The following THSD7A variants were observed in gnomAD, a reference collection of about 807,000 sequenced individuals.
THSD7A encodes the protein thrombospondin type 1 domain containing 7A.
THSD7A carries 96 observed loss-of-function variants against 231.3 expected under a neutral mutation model. That is an observed-to-expected ratio of 0.41 (90% CI 0.35 to 0.49). The LOEUF is 0.49. Among genes scored for constraint, THSD7A ranks in the 20% least tolerant of loss-of-function variants. The pLI is 0.05. For synonymous variants in THSD7A, 940 were observed against 743.3 expected (o/e 1.26, Z -4.30); for missense variants, 2,290 against 2,070.2 (o/e 1.11, Z -2.06).
chr7:11,458,064 T>C (rs1785366960), intron 11 of THSD7A, among the ~76,000 whole-genome samples: 1 of 152,074 alleles, frequency 6.6e-6, no homozygotes, highest in South Asian at 2.1e-4. Context: ...GCAAAAACAG[T>C]GGAATGAGTA....
At chr7:11,587,840 A>T (rs551165105) in intron 4 of THSD7A, among the ~76,000 whole-genome samples, 1 of 152,200 alleles carries the variant, frequency 6.6e-6, no homozygotes. Flanking sequence ...CATAAATTTC[A>T]TATCACTTGC....
chr7:11,640,177 C>G (rs561248028), intron 1 of THSD7A, among the ~76,000 whole-genome samples: 1 of 152,290 alleles, frequency 6.6e-6, no homozygotes, highest in African/African-American at 2.4e-5. Context: ...TAGACTGACT[C>G]TATAGCCCCT....
At chr7:11,785,984 T>G (rs1783777371) in intron 1 of THSD7A, among the ~76,000 whole-genome samples, 1 of 152,146 alleles carries the variant, frequency 6.6e-6, no homozygotes, top group Non-Finnish European at 1.5e-5. Flanking sequence ...AATGATTTTC[T>G]TTAAACTGGT....
In THSD7A at chr7:11,630,303, A is replaced by G. The variant is rs372285279; in HGVS notation, c.1022+5827T>C. On this transcript the variant is annotated intron_variant, in intron 2 of 27. Coordinates refer to ENST00000423059, the MANE Select transcript of THSD7A (RefSeq NM_015204.3). ...TTTGAAGATGAGAGGGGATGCCAGA[A>G]AGTCTGGGCCTGGAAAACAAAAATC... Among the ~76,000 whole-genome samples the G allele has an allele frequency of 1.7e-3, 265 of 152,342 alleles. 2 individuals carry two copies. Among genetic ancestry groups the G allele is most frequent in the African/African-American group, 6.1e-3 (255 of 41,588 alleles).
intron 4 of THSD7A, among the ~76,000 whole-genome samples, chr7:11,565,809 C>A (rs73057862): frequency 1.6e-4 from 25 of 152,274 alleles, no homozygotes; most frequent in Admixed American, 3.9e-4. Context: ...ACAGCAATCA[C>A]CCCAATTCCT....
chr7:11,754,162 C>T (rs975989609), intron 1 of THSD7A, among the ~76,000 whole-genome samples: 10 of 151,748 alleles, frequency 6.6e-5, no homozygotes, highest in African/African-American at 9.7e-5. Context: ...TAATCTATTA[C>T]AAATATATTC....
intron 6 of THSD7A, among the ~76,000 whole-genome samples, chr7:11,511,968 A>G (rs1418920906): frequency 6.6e-6 from 1 of 152,220 alleles, no homozygotes; most frequent in Non-Finnish European, 1.5e-5. Flanking sequence ...TCTGCACAGC[A>G]AAAGCAATTA....
chr7:11,419,391 T>A (rs1356757004), intron 16 of THSD7A, among the ~76,000 whole-genome samples: 2 of 152,132 alleles, frequency 1.3e-5, no homozygotes, highest in African/African-American at 4.8e-5. Flanking sequence ...CCTTTGCTTT[T>A]TCTCTCTCTT....
intron 4 of THSD7A, among the ~76,000 whole-genome samples, chr7:11,550,006 G>T (rs958491247): frequency 2.6e-5 from 4 of 152,044 alleles, no homozygotes; most frequent in African/African-American, 9.7e-5. Flanking sequence ...GCAAGAGAAA[G>T]AAATAAAAGG....
chr7:11,660,358 T>G (rs1782883936), intron 1 of THSD7A, among the ~76,000 whole-genome samples: 1 of 151,500 alleles, frequency 6.6e-6, no homozygotes, highest in Non-Finnish European at 1.5e-5. Flanking sequence ...AAATTCAGGT[T>G]GATATAAATT....
At chr7:11,714,548 T>C (rs936092313) in intron 1 of THSD7A, among the ~76,000 whole-genome samples, 8 of 151,280 alleles carry the variant, frequency 5.3e-5, no homozygotes, top group African/African-American at 1.9e-4. Flanking sequence ...AGTGAATAAA[T>C]GATTCTGACT....
intron 6 of THSD7A, among the ~76,000 whole-genome samples, chr7:11,492,246 T>C (rs1430494858): frequency 6.6e-6 from 1 of 152,058 alleles, no homozygotes; most frequent in African/African-American, 2.4e-5. Flanking sequence ...AGGACTAGGC[T>C]AAAAACCAAC....
intron 13 of THSD7A, among the ~76,000 whole-genome samples, chr7:11,442,874 C>A (rs113540304): frequency 0.019 from 2,926 of 152,124 alleles, 100 homozygotes; most frequent in African/African-American, 0.067. Flanking sequence ...CTTTCGGAAT[C>A]CCCACGAAGT....
At chr7:11,662,732 T>C (rs1406643604) in intron 1 of THSD7A, among the ~76,000 whole-genome samples, 1 of 151,276 alleles carries the variant, frequency 6.6e-6, no homozygotes, top group African/African-American at 2.4e-5. Flanking sequence ...TCTGACCACA[T>C]TGGAATCAAG....
chr7:11,556,656 T>C (rs1789858333), intron 4 of THSD7A, among the ~76,000 whole-genome samples: 1 of 151,936 alleles, frequency 6.6e-6, no homozygotes, highest in South Asian at 2.1e-4. Context: ...AGGGTAAGTC[T>C]ACTGGTAACA....
chr7:11,513,142 C>G (rs1787888702), intron 6 of THSD7A, among the ~76,000 whole-genome samples: 1 of 151,028 alleles, frequency 6.6e-6, no homozygotes, highest in Admixed American at 6.6e-5. Flanking sequence ...ATACAATGGA[C>G]TTTGGGGACT....
At chr7:11,751,100 G>T (rs1357047663) in intron 1 of THSD7A, 1 of 152,002 alleles carries the variant, frequency 6.6e-6, no homozygotes, top group African/African-American at 2.4e-5. Flanking sequence ...CAAAGAACAA[G>T]AAATACCAGC....
intron 24 of THSD7A, among the ~76,000 whole-genome samples, chr7:11,382,210 C>G (rs1238591426): frequency 6.6e-6 from 1 of 151,990 alleles, no homozygotes. Flanking sequence ...TAGTAAGTTA[C>G]TCATATATAA....
intron 13 of THSD7A, among the ~76,000 whole-genome samples, chr7:11,433,226 A>T (rs1784533355): frequency 6.6e-6 from 1 of 152,064 alleles, no homozygotes; most frequent in African/African-American, 2.4e-5. Flanking sequence ...GACTTTAATT[A>T]TGCTTTGGGG....
Sources: allele counts gnomAD v4.1 joint callset (sites outside exome capture counted in the v4.1 genomes callset), GRCh38; gene constraint gnomAD v4.1.1; transcripts MANE v1.5; gene names NCBI Gene and HGNC (gene_info 2026-07-23, HGNC 2026-07-21).